The following RIF1 variants were observed in gnomAD, a reference collection of about 807,000 sequenced individuals.
RIF1 encodes the protein telomere-associated protein RIF1.
Under a neutral mutation model 247.1 loss-of-function variants are expected in RIF1, and 45 were observed. The ratio of observed to expected loss-of-function variants is 0.18; its 90% confidence interval spans 0.14 to 0.23. RIF1 has a LOEUF of 0.23. Ranked by LOEUF, RIF1 falls within the 10% of genes least tolerant of loss-of-function variation. The pLI is 1.00. For missense variants in RIF1, 2,967 were observed against 2,862.5 expected (o/e 1.04, Z -0.83); for synonymous variants, 1,087 against 978.8 (o/e 1.11, Z -2.06).
chr2:151,489,206 T>G (rs900975167), intron 9 of RIF1, among the ~76,000 whole-genome samples: 20 of 152,216 alleles, frequency 1.3e-4, no homozygotes, highest in African/African-American at 4.3e-4. Context: ...GTTGTCTTCA[T>G]ACAAAGATTG....
Position 151,409,925 on chromosome 2 carries a change from G to C in RIF1, c.-119G>C. On this transcript the variant is annotated 5_prime_UTR_variant, in exon 1 of 36. Coordinates refer to ENST00000444746, the MANE Select transcript of RIF1 (RefSeq NM_018151.5). ...CCAGCCGCCATCTTGGTCTAGGAGG[G>C]AGCGCGCCGCACGCGTGAGTAAACA... 1 of 700,500 alleles carries C rather than the reference G, an allele frequency of 1.4e-6. No homozygotes were observed. The highest frequency in any genetic ancestry group is 2.6e-6 in the Non-Finnish European group (1 of 383,996). The allele number at this position is 700,500 out of a possible 1,614,324, so 43.4% of individuals were successfully genotyped here. A position where few individuals can be genotyped will look rare whatever the true frequency, so the allele number is the denominator to read the frequency against.
intron 11 of RIF1, among the ~76,000 whole-genome samples, chr2:151,500,076 T>C (rs1373863526): frequency 6.6e-6 from 1 of 152,166 alleles, no homozygotes; most frequent in African/African-American, 2.4e-5. Flanking sequence ...TGCAAGCCTT[T>C]CAATAAAAGG....
rs776453091 is a variant in RIF1 at position 151,490,091 on chromosome 2, G to T, written c.*416-5138G>T. The stretch of plus-strand genomic sequence containing the variant: ...CATGTTTGTAAGCTGAAAAAAAGGG[G>T]GCAAATTCTTTATAAGAAGAAAAAT... On this transcript the variant is annotated intron_variant and NMD_transcript_variant, in intron 9 of 13. Coordinates refer to the RIF1 transcript ENST00000454583. The T allele has an allele frequency of 8.9e-6, 14 of 1,577,386 alleles. No individual in the cohort carries two copies. The East Asian group carries it at 3.1e-4, about 35-fold the overall frequency.
At position 151,501,157 on chromosome 2, in the gene RIF1, T is replaced by TAAAG. The variant is rs2064171530; in HGVS notation, c.*709+1619_*709+1622dup. ...ATTAACTTCAACAGTCCCAACAACATAAAGATGAAAAGAGAAGGAAAGAAA... is the reference window on the plus strand; with the variant it reads ...ATTAACTTCAACAGTCCCAACAACATAAAGAAAGATGAAAAGAGAAGGAAAGAAA... On this transcript the variant is annotated intron_variant and NMD_transcript_variant, in intron 11 of 13. Transcript: ENST00000454583. 6.6e-5 allele frequency among the ~76,000 whole-genome samples: 10 copies of TAAAG among 152,038 alleles called. No homozygotes were observed. In the South Asian group the frequency reaches 2.1e-3, roughly 32 times the overall value.
At chr2:151,502,029 G>GT (rs1361812493) in intron 11 of RIF1, among the ~76,000 whole-genome samples, 1 of 152,198 alleles carries the variant, frequency 6.6e-6, no homozygotes, top group Non-Finnish European at 1.5e-5. Flanking sequence ...GAATGAAAAT[G>GT]TTTAAGAATG....
intron 20 of RIF1, among the ~76,000 whole-genome samples, chr2:151,447,238 C>A (rs911218702): frequency 6.6e-6 from 1 of 152,120 alleles, no homozygotes; most frequent in Non-Finnish European, 1.5e-5. Flanking sequence ...CCACCGCGCC[C>A]GGCCTCTTTC....
chr2:151,484,891 G>A (rs181243882), downstream of RIF1, among the ~76,000 whole-genome samples: 37 of 152,250 alleles, frequency 2.4e-4, no homozygotes, highest in Admixed American at 5.2e-4. Context: ...TTGGTCATTC[G>A]CAAGTGAGTG....
At chr2:151,524,349 T>C in the RIF1 span, 30 of 1,613,830 alleles carry the variant, frequency 1.9e-5, no homozygotes, top group Non-Finnish European at 2.4e-5. Context: ...GCCATTTCTA[T>C]GTCTGGGCGA....
At chr2:151,500,445 G>A (rs2063558060) in intron 11 of RIF1, among the ~76,000 whole-genome samples, 5 of 151,086 alleles carry the variant, frequency 3.3e-5, no homozygotes, top group Admixed American at 2.0e-4. Context: ...TTGTGTGTTA[G>A]AGTTTTTCAG....
At chr2:151,448,211 T>G (rs1429643354) in intron 20 of RIF1, among the ~76,000 whole-genome samples, 1 of 151,114 alleles carries the variant, frequency 6.6e-6, no homozygotes, top group Non-Finnish European at 1.5e-5. Flanking sequence ...GCCTGGCTAA[T>G]TTTTGTATTT....
At chr2:151,442,401 A>G (rs1692482906) in intron 16 of RIF1, among the ~76,000 whole-genome samples, 1 of 151,762 alleles carries the variant, frequency 6.6e-6, no homozygotes, top group Non-Finnish European at 1.5e-5. Context: ...AAAAAAAAAA[A>G]AAAAGAAAGA....
chr2:151,517,444 A>G, the RIF1 span, among the ~76,000 whole-genome samples: 1 of 152,248 alleles, frequency 6.6e-6, no homozygotes. Flanking sequence ...GGGGACCTAA[A>G]TAATGCTGAA....
chr2:151,431,679 T>A lies in RIF1; in HGVS notation c.926-1398T>A, dbSNP rs572936135. 2.0e-5 allele frequency among the ~76,000 whole-genome samples: 3 copies of A among 152,140 alleles called. No homozygotes were observed. The South Asian group carries it at 6.2e-4, about 32-fold the overall frequency. On this transcript the variant is annotated intron_variant, in intron 9 of 35. Transcript: ENST00000444746. The stretch of plus-strand genomic sequence containing the variant: ...GCACATGCCTGTAATCCCAGCTACT[T>A]GGGAGGCAGAGGCAGGAGAATCCGG...
rs148630684 is a variant in RIF1, at chr2:151,411,202, A to G, written c.105-58A>G. The G allele has an allele frequency of 2.1e-3, 2,142 of 1,002,458 alleles. 34 individuals carry two copies. The East Asian group carries it at 0.031, about 15-fold the overall frequency. 62.1% of individuals were successfully genotyped at this position (1,002,458 alleles called of 1,614,324 possible). A position where few individuals can be genotyped will look rare whatever the true frequency, so the allele number is the denominator to read the frequency against. On this transcript the variant is annotated intron_variant, in intron 2 of 35. Transcript: ENST00000444746. ...TAAAAAGATTGTACATGTATTTTTG[A>G]GAGTATTTTTTTTTTTCCTGTCAAC...
At chr2:151,512,634 A>G (rs541423786), downstream of RIF1, 106 of 925,176 alleles carry the variant, frequency 1.1e-4, no homozygotes, top group African/African-American at 1.7e-3. Context: ...TTATTGGGAA[A>G]AACTGATCTG....
At chr2:151,487,711 G>A (rs2052113068) in intron 9 of RIF1, among the ~76,000 whole-genome samples, 1 of 152,078 alleles carries the variant, frequency 6.6e-6, no homozygotes, top group Non-Finnish European at 1.5e-5. Flanking sequence ...GCTTTTGAAG[G>A]TAAAAGTTTT....
intron 26 of RIF1, among the ~76,000 whole-genome samples, chr2:151,460,864 G>C (rs1342908059): frequency 6.6e-6 from 1 of 152,166 alleles, no homozygotes; most frequent in East Asian, 1.9e-4. Context: ...TCATTTCCAT[G>C]TGTTAGCCTG....
rs772803200 is a variant in RIF1, at chr2:151,493,807, T to C, written c.*416-1422T>C. The C allele has an allele frequency of 9.5e-6, 15 of 1,586,524 alleles. No homozygotes were observed. The highest frequency in any genetic ancestry group is 5.3e-5 in the Admixed American group (3 of 56,200). On this transcript the variant is annotated intron_variant and NMD_transcript_variant, in intron 9 of 13. Transcript: ENST00000454583. ...AAGTTTTCTTGATTGCGTTTCACTC[T>C]TTCCATCTCAGGAGTAAAGGGTGTG...
the RIF1 span, among the ~76,000 whole-genome samples, chr2:151,518,018 T>G: frequency 3.3e-5 from 5 of 152,170 alleles, no homozygotes; most frequent in Admixed American, 6.5e-5. Context: ...TTCCCTAACC[T>G]GGGGCACAAA....
Sources: allele counts gnomAD v4.1 joint callset (sites outside exome capture counted in the v4.1 genomes callset), GRCh38; gene constraint gnomAD v4.1.1; transcripts MANE v1.5; gene names NCBI Gene and HGNC (gene_info 2026-07-23, HGNC 2026-07-21).